GNA14: variants seen among roughly 807,000 people sequenced by gnomAD.
GNA14 encodes guanine nucleotide-binding protein subunit alpha-14.
In GNA14, 50 loss-of-function variants were observed where a neutral mutation model predicts 42.0. The ratio of observed to expected loss-of-function variants is 1.19; its 90% CI spans 0.95 to 1.51. The LOEUF is 1.51. GNA14 is among the 40% of genes most tolerant of loss of function. The pLI is 0.00. For synonymous variants in GNA14, 173 were observed against 163.1 expected, an observed-to-expected ratio of 1.06 and a Z score of -0.46; for missense variants, 473 against 446.2, an observed-to-expected ratio of 1.06 and a Z score of -0.54.
chr9:77,511,720 T>A (rs1837173687), intron 2 of GNA14, among the ~76,000 whole-genome samples: 1 of 151,992 alleles, frequency 6.6e-6, no homozygotes, highest in South Asian at 2.1e-4. Flanking sequence ...TCCACATCTA[T>A]CCCCACCTCC....
chr9:77,425,761 T>C (rs139282974), intron 5 of GNA14, 46 bp from the exon 6 acceptor site: 17 of 1,443,836 alleles, frequency 1.2e-5, no homozygotes, highest in Admixed American at 2.0e-5. Flanking sequence ...AAGGAAATAT[T>C]TTGGAAACAA....
intron 1 of GNA14, among the ~76,000 whole-genome samples, chr9:77,541,559 C>T (rs991477806): frequency 1.6e-4 from 24 of 152,224 alleles, no homozygotes; most frequent in African/African-American, 5.3e-4. Flanking sequence ...TTTGAGCCCC[C>T]TGTATCTGGA....
chr9:77,498,687 G>A lies in GNA14; in HGVS notation c.309+30382C>T, dbSNP rs138132592. Among the ~76,000 whole-genome samples the A allele has an allele frequency of 2.1e-3, 324 of 152,220 alleles. 1 individual carries two copies. The highest frequency in any genetic ancestry group is 2.5e-3 in the Non-Finnish European group (173 of 68,030). ...TTGAGAGAACGCCATCCAATCAGTCGGTCTTGATTTTGATCTTCTAGCCCC... is the reference window on the plus strand; with the variant it reads ...TTGAGAGAACGCCATCCAATCAGTCAGTCTTGATTTTGATCTTCTAGCCCC... On this transcript the variant is annotated intron_variant, in intron 2 of 6. Coordinates refer to ENST00000341700, the MANE Select transcript of GNA14 (RefSeq NM_004297.4).
intron 1 of GNA14, among the ~76,000 whole-genome samples, chr9:77,591,910 G>GT (rs1413711789): frequency 9.6e-4 from 118 of 122,710 alleles, no homozygotes; most frequent in Non-Finnish European, 1.6e-3. Context: ...ACCGTTTTTT[G>GT]TTTTTTGGTT....
chr9:77,622,861 T>A (rs1179314775), intron 1 of GNA14, among the ~76,000 whole-genome samples: 5 of 139,232 alleles, frequency 3.6e-5, no homozygotes, highest in South Asian at 2.3e-4. Flanking sequence ...ACCACTACAC[T>A]CCATCCTGGG....
intron 1 of GNA14, among the ~76,000 whole-genome samples, chr9:77,569,593 G>A (rs1386202814): frequency 6.6e-6 from 1 of 152,094 alleles, no homozygotes; most frequent in East Asian, 1.9e-4. Flanking sequence ...CACCAACAGG[G>A]GCTGCTCCAG....
At chr9:77,466,037 C>T (rs924427306) in intron 2 of GNA14, among the ~76,000 whole-genome samples, 2 of 152,188 alleles carry the variant, frequency 1.3e-5, no homozygotes, top group Non-Finnish European at 2.9e-5. Flanking sequence ...TTCAAGATTT[C>T]TCTTTCACTT....
chr9:77,432,123 C>A (rs1835566323), intron 3 of GNA14, among the ~76,000 whole-genome samples: 1 of 142,588 alleles, frequency 7.0e-6, no homozygotes, highest in African/African-American at 2.6e-5. Flanking sequence ...AAAAAAAAAA[C>A]TTTAAGGCCT....
At chr9:77,613,950 T>C (rs1823771893) in intron 1 of GNA14, among the ~76,000 whole-genome samples, 2 of 152,304 alleles carry the variant, frequency 1.3e-5, no homozygotes, top group South Asian at 2.1e-4. Context: ...GCTAGTAGTG[T>C]AGTTAGTCAG....
chr9:77,607,971 G>T (rs1823665775), intron 1 of GNA14, among the ~76,000 whole-genome samples: 1 of 152,114 alleles, frequency 6.6e-6, no homozygotes, highest in African/African-American at 2.4e-5. Flanking sequence ...ATCTGAATTT[G>T]GGGTAGGGGG....
intron 1 of GNA14, among the ~76,000 whole-genome samples, chr9:77,569,141 A>G (rs751805542): frequency 6.6e-6 from 1 of 150,590 alleles, no homozygotes; most frequent in Admixed American, 6.6e-5. Flanking sequence ...CAGCCTCATG[A>G]ATCTCTTTTG....
intron 2 of GNA14, among the ~76,000 whole-genome samples, chr9:77,525,019 T>C (rs1223691717): frequency 6.6e-6 from 1 of 152,168 alleles, no homozygotes; most frequent in Non-Finnish European, 1.5e-5. Flanking sequence ...AATCCACTCA[T>C]GGACTGTGGA....
chr9:77,636,752 G>C (rs185954620), intron 1 of GNA14, among the ~76,000 whole-genome samples: 1 of 152,200 alleles, frequency 6.6e-6, no homozygotes, highest in Admixed American at 6.5e-5. Context: ...ATTCTTGAGG[G>C]ATCTGACCCG....
chr9:77,538,393 T>C (rs940818045), intron 1 of GNA14, among the ~76,000 whole-genome samples: 15 of 152,256 alleles, frequency 9.9e-5, no homozygotes, highest in African/African-American at 3.6e-4. Flanking sequence ...TGCTCAGGAT[T>C]GCTTTGCTTT....
At chr9:77,507,413 A>AAATC (rs1350819147) in intron 2 of GNA14, among the ~76,000 whole-genome samples, 2 of 152,196 alleles carry the variant, frequency 1.3e-5, no homozygotes, top group African/African-American at 4.8e-5. Flanking sequence ...TTTTAAAAAT[A>AAATC]AATCAATCAA....
chr9:77,490,446 C>T (rs989392044), intron 2 of GNA14, among the ~76,000 whole-genome samples: 3 of 152,190 alleles, frequency 2.0e-5, no homozygotes, highest in East Asian at 1.9e-4. Flanking sequence ...CAGCATTCGT[C>T]GGGGAGGCTC....
chr9:77,542,726 T>A (rs1221055024), intron 1 of GNA14, among the ~76,000 whole-genome samples: 1 of 152,170 alleles, frequency 6.6e-6, no homozygotes, highest in Non-Finnish European at 1.5e-5. Context: ...TGCAGGTGGG[T>A]GCCAGCTGTG....
chr9:77,533,783 T>C (rs767109687), intron 1 of GNA14, among the ~76,000 whole-genome samples: 1 of 152,182 alleles, frequency 6.6e-6, no homozygotes, highest in Admixed American at 6.5e-5. Flanking sequence ...ACTCAATTAC[T>C]GGTTAACTTG....
At chr9:77,434,954 G>A (rs1400296795) in intron 2 of GNA14, among the ~76,000 whole-genome samples, 1 of 151,746 alleles carries the variant, frequency 6.6e-6, no homozygotes, top group African/African-American at 2.4e-5. Flanking sequence ...GGTAGAAACT[G>A]GTCCACCTGG....
Sources: allele counts gnomAD v4.1 joint callset (sites outside exome capture counted in the v4.1 genomes callset), GRCh38; gene constraint gnomAD v4.1.1; transcripts MANE v1.5; gene names NCBI Gene and HGNC (gene_info 2026-07-23, HGNC 2026-07-21).